Variants in ANKRD31 observed in about 807,000 individuals in gnomAD.
ANKRD31 encodes ankyrin repeat domain-containing protein 31.
A neutral mutation model predicts 186.0 loss-of-function variants in ANKRD31; 147 were observed. The ratio of observed to expected loss-of-function variants is 0.79; its 90% confidence interval spans 0.69 to 0.91. The LOEUF (loss-of-function observed/expected upper bound fraction) is 0.91, where lower values mean the gene tolerates loss of function less well. Among genes scored for constraint, ANKRD31 ranks in the 40% least tolerant of loss-of-function variants. The pLI is 0.00. For missense variants in ANKRD31, 1,986 were observed against 2,148.8 expected (o/e 0.92, Z 1.50); for synonymous variants, 673 against 736.4 (o/e 0.91, Z 1.39).
intron 10 of ANKRD31, among the ~76,000 whole-genome samples, chr5:75,170,635 T>C (rs755433218): frequency 1.2e-4 from 18 of 152,100 alleles, no homozygotes; most frequent in South Asian, 8.3e-4. Context: ...ACCCAATAGA[T>C]AGTTTTTCAA....
chr5:75,101,860 G>A (rs777884814), intron 22 of ANKRD31, among the ~76,000 whole-genome samples: 20 of 152,108 alleles, frequency 1.3e-4, no homozygotes, highest in Admixed American at 2.6e-4. Flanking sequence ...GCTTCTTTGC[G>A]ATGGGTTCGA....
chr5:75,083,727 G>A (rs116742043), intron 24 of ANKRD31, among the ~76,000 whole-genome samples: 3,930 of 146,416 alleles, frequency 0.027, 157 homozygotes, highest in African/African-American at 0.093. Flanking sequence ...CAAAACTCTC[G>A]TCTCAAAAAA....
At chr5:75,236,155 A>G (rs2150330578) in intron 1 of ANKRD31, among the ~76,000 whole-genome samples, 1 of 152,308 alleles carries the variant, frequency 6.6e-6, no homozygotes, top group East Asian at 1.9e-4. Flanking sequence ...TTTGGCAGGG[A>G]CCAGTTTCCC....
intron 19 of ANKRD31, 92 bp from the exon 20 acceptor site, chr5:75,112,692 A>C: frequency 1.3e-6 from 1 of 765,272 alleles, no homozygotes. Context: ...TAAAATACTA[A>C]AGAAAGTGTT....
At chr5:75,085,311 TCA>T (rs1745398186) in intron 23 of ANKRD31, among the ~76,000 whole-genome samples, 1 of 152,186 alleles carries the variant, frequency 6.6e-6, no homozygotes, top group Non-Finnish European at 1.5e-5. Flanking sequence ...CCTCAGCAGT[TCA>T]CAGAGTGCCT....
Position 75,196,196 on chromosome 5 carries a change from AG to A in ANKRD31, c.451del (p.Leu151Ter). 1 of 1,468,408 alleles carries A rather than the reference AG, an allele frequency of 6.8e-7. No individual in the cohort carries two copies. 91.0% of individuals were successfully genotyped at this position (1,468,408 alleles called of 1,614,324 possible). A position where few individuals can be genotyped will look rare whatever the true frequency, so the allele number is the denominator to read the frequency against. ...PEVLPHIEKE[L>X]SEGRDSPEVS... ...TTCAGGAGAATCTCTGCCTTCACTT[AG>A]TTCCTGTGTATTACAAATAGAAATT... On this transcript the variant is annotated frameshift_variant, in exon 7 of 26. Transcript: ENST00000506364. LOFTEE classifies it high-confidence loss of function.
At chr5:75,180,435 G>A (rs1463884212) in intron 10 of ANKRD31, among the ~76,000 whole-genome samples, 2 of 151,998 alleles carry the variant, frequency 1.3e-5, no homozygotes, top group African/African-American at 2.4e-5. Flanking sequence ...AGTCAATCCT[G>A]AGCCAAAAGA....
chr5:75,173,274 T>C (rs1753501345), intron 10 of ANKRD31, among the ~76,000 whole-genome samples: 1 of 152,042 alleles, frequency 6.6e-6, no homozygotes, highest in Admixed American at 6.5e-5. Flanking sequence ...CCACAGCCAA[T>C]ATCATACTGA....
intron 12 of ANKRD31, among the ~76,000 whole-genome samples, chr5:75,153,009 T>C (rs1325143268): frequency 6.6e-6 from 1 of 151,994 alleles, no homozygotes; most frequent in African/African-American, 2.4e-5. Context: ...AGTGATGACA[T>C]ATCACTTTTA....
chr5:75,079,655 T>C (rs1446776172), intron 25 of ANKRD31, among the ~76,000 whole-genome samples: 1 of 152,140 alleles, frequency 6.6e-6, no homozygotes. Context: ...TTTGTATTTT[T>C]AGTAGAGATG....
chr5:75,208,422 C>T (rs1384997888), intron 4 of ANKRD31, among the ~76,000 whole-genome samples: 1 of 152,038 alleles, frequency 6.6e-6, no homozygotes, highest in African/African-American at 2.4e-5. Flanking sequence ...TCCCCTCACC[C>T]CCCACCCCAT....
In ANKRD31 at chr5:75,104,520, C is replaced by CTTGTTT. The variant is rs1747172187; in HGVS notation, c.5033_5038dup (p.Lys1678_Thr1679dup). 2.0e-6 allele frequency: 3 copies of CTTGTTT among 1,537,024 alleles called. No individual in the cohort carries two copies. The Admixed American group carries it at 5.9e-5, about 30-fold the overall frequency. ...TGCCCCTGTAGGTGATTGCTGGGAA[C>CTTGTTT]TTGTTTTTCTGTTTCCTCTTTTGGG... On this transcript the variant is annotated inframe_insertion, in exon 22 of 26. Transcript: ENST00000506364.
chr5:75,193,162 C>A (rs1312180413), intron 8 of ANKRD31, 149 bp downstream of exon 8: 27 of 1,018,232 alleles, frequency 2.7e-5, no homozygotes, highest in Non-Finnish European at 3.7e-5. Context: ...TGGCACTGAT[C>A]AAAAACTGCA....
intron 14 of ANKRD31, among the ~76,000 whole-genome samples, chr5:75,145,154 T>A (rs779532873): frequency 6.6e-6 from 1 of 152,146 alleles, no homozygotes; most frequent in East Asian, 1.9e-4. Flanking sequence ...TGTAAATTAG[T>A]TCAACCATTA....
At chr5:75,185,216 G>A (rs377664428) in intron 10 of ANKRD31, among the ~76,000 whole-genome samples, 8 of 152,002 alleles carry the variant, frequency 5.3e-5, no homozygotes, top group East Asian at 3.9e-4. Context: ...GAGAGTAGTG[G>A]GAGGGGAAAA....
intron 17 of ANKRD31, among the ~76,000 whole-genome samples, chr5:75,130,644 C>T (rs916210027): frequency 6.6e-6 from 1 of 152,148 alleles, no homozygotes; most frequent in African/African-American, 2.4e-5. Flanking sequence ...TATCTAGACA[C>T]AGAGTGCTGA....
intron 5 of ANKRD31, among the ~76,000 whole-genome samples, chr5:75,202,219 A>T (rs571214513): frequency 1.3e-5 from 2 of 152,328 alleles, no homozygotes; most frequent in African/African-American, 4.8e-5. Context: ...AAATCTCTTC[A>T]AATATTTTAC....
chr5:75,070,823 T>C (rs1346330494), intron 25 of ANKRD31, among the ~76,000 whole-genome samples: 2 of 152,216 alleles, frequency 1.3e-5, no homozygotes, highest in East Asian at 3.8e-4. Context: ...CTGGGCATAG[T>C]GGATCATGCC....
intron 3 of ANKRD31, among the ~76,000 whole-genome samples, chr5:75,212,509 A>G (rs959089043): frequency 6.6e-6 from 1 of 152,136 alleles, no homozygotes; most frequent in African/African-American, 2.4e-5. Context: ...GCCCATGCCT[A>G]TAGTTCCAAC....
Sources: allele counts gnomAD v4.1 joint callset (sites outside exome capture counted in the v4.1 genomes callset), GRCh38; gene constraint gnomAD v4.1.1; transcripts MANE v1.5; gene names NCBI Gene and HGNC (gene_info 2026-07-23, HGNC 2026-07-21).